Variants in EYS observed in about 807,000 individuals in gnomAD.
The protein encoded by EYS is EGF-like photoreceptor maintenance factor.
Under a neutral mutation model 282.1 loss-of-function variants are expected in EYS, and 250 were observed. The ratio of observed to expected loss-of-function variants is 0.89; its 90% CI spans 0.80 to 0.98. The LOEUF (loss-of-function observed/expected upper bound fraction) is 0.98, where lower values mean the gene tolerates loss of function less well. Ranked by LOEUF, EYS falls within the 50% of genes least tolerant of loss-of-function variation. EYS has a pLI of 0.00. For missense variants in EYS, 4,016 were observed against 3,709.0 expected (o/e 1.08, Z -2.15); for synonymous variants, 1,355 against 1,282.9 (o/e 1.06, Z -1.20).
intron 22 of EYS, among the ~76,000 whole-genome samples, chr6:64,661,074 A>T (rs1370558400): frequency 6.6e-6 from 1 of 152,212 alleles, no homozygotes; most frequent in East Asian, 1.9e-4. Flanking sequence ...GCCCTCAGAA[A>T]TAATGCCACA....
chr6:64,515,633 A>C (rs1432157593), intron 26 of EYS, among the ~76,000 whole-genome samples: 1 of 151,566 alleles, frequency 6.6e-6, no homozygotes, highest in African/African-American at 2.4e-5. Context: ...CATGAGATAC[A>C]TATATATATT....
chr6:64,896,255 G>T (rs1232641583), intron 18 of EYS, among the ~76,000 whole-genome samples: 3 of 152,024 alleles, frequency 2.0e-5, no homozygotes, highest in Non-Finnish European at 4.4e-5. Context: ...CCTGGTACTG[G>T]TTAGACAGTG....
chr6:65,337,303 G>A (rs747135403), intron 10 of EYS, among the ~76,000 whole-genome samples: 7 of 151,208 alleles, frequency 4.6e-5, no homozygotes, highest in Non-Finnish European at 8.9e-5. Context: ...GAAGCTATAA[G>A]TTTTCTCTGT....
At chr6:63,942,924 A>G (rs1765286538) in intron 35 of EYS, among the ~76,000 whole-genome samples, 1 of 152,190 alleles carries the variant, frequency 6.6e-6, no homozygotes, top group Non-Finnish European at 1.5e-5. Context: ...ACTTTCACTT[A>G]ATGGATAGTA....
At chr6:63,806,127 G>T in intron 37 of EYS, 63 bp downstream of exon 37, 1 of 1,356,384 alleles carries the variant, frequency 7.4e-7, no homozygotes, top group Non-Finnish European at 1.0e-6. Context: ...GAGTGTCCCT[G>T]AGGAATCTCT....
Position 65,404,053 on chromosome 6 carries a change from G to A in EYS, c.1056+1121C>T, listed in dbSNP as rs1018585266. ...TCATAAGTCTGAAAAGTTTCAGAAGGCTAAAACCAAGATGTCTGCTGTGTC... is the reference window on the plus strand; with the variant it reads ...TCATAAGTCTGAAAAGTTTCAGAAGACTAAAACCAAGATGTCTGCTGTGTC... On this transcript the variant is annotated intron_variant, in intron 6 of 42. Transcript: ENST00000503581. Among the ~76,000 whole-genome samples the A allele has an allele frequency of 5.3e-5, 8 of 152,120 alleles. No homozygotes were observed. The East Asian group carries it at 7.7e-4, about 15-fold the overall frequency.
chr6:65,224,197 AT>A (rs1766555094), intron 12 of EYS, among the ~76,000 whole-genome samples: 1 of 152,204 alleles, frequency 6.6e-6, no homozygotes, highest in Non-Finnish European at 1.5e-5. Flanking sequence ...TATTAAAAAA[AT>A]TGAAGTCATA....
intron 26 of EYS, among the ~76,000 whole-genome samples, chr6:64,517,406 G>A (rs894905226): frequency 6.6e-5 from 10 of 151,820 alleles, no homozygotes; most frequent in African/African-American, 2.2e-4. Flanking sequence ...ATACCTGTGG[G>A]AAGTAAAAAT....
Position 64,676,731 on chromosome 6 carries a change from C to CT in EYS, c.3444-50487dup, listed in dbSNP as rs143026551. Among the ~76,000 whole-genome samples, 882 of 152,240 alleles carry CT rather than the reference C, an allele frequency of 5.8e-3. 3 individuals are homozygous for CT. The highest frequency in any genetic ancestry group is 9.9e-3 in the Non-Finnish European group (670 of 68,014). ...AGTCTAAGATCAAGGCGTCAGCAGA[C>CT]TCAGTGTCTGGTGAGGGCCCGCTTC... On this transcript the variant is annotated intron_variant, in intron 22 of 42. Coordinates refer to ENST00000503581, the MANE Select transcript of EYS (RefSeq NM_001142800.2).
At chr6:64,108,932 A>G (rs1344032832) in intron 31 of EYS, among the ~76,000 whole-genome samples, 1 of 152,068 alleles carries the variant, frequency 6.6e-6, no homozygotes, top group Non-Finnish European at 1.5e-5. Context: ...CTCTATGGTT[A>G]CCCCCTTTTA....
At chr6:65,455,848 C>A (rs2134489) in intron 5 of EYS, among the ~76,000 whole-genome samples, 28,101 of 151,862 alleles carry the variant, frequency 0.19, 3,238 homozygotes, top group Middle Eastern at 0.3. Context: ...AGTAATTTTC[C>A]TCAACCTATT....
chr6:64,430,610 G>A (rs1774545899), intron 28 of EYS, among the ~76,000 whole-genome samples: 1 of 152,136 alleles, frequency 6.6e-6, no homozygotes, highest in African/African-American at 2.4e-5. Context: ...CCTAAAGGTA[G>A]ACAGTTATAT....
chr6:64,636,241 G>C (rs1767976113), intron 22 of EYS, among the ~76,000 whole-genome samples: 1 of 152,038 alleles, frequency 6.6e-6, no homozygotes, highest in Non-Finnish European at 1.5e-5. Context: ...CCAAAACAGA[G>C]ATATAGATAA....
chr6:65,399,333 T>C (rs1264677279), intron 7 of EYS, among the ~76,000 whole-genome samples: 6 of 152,030 alleles, frequency 3.9e-5, no homozygotes, highest in Admixed American at 3.9e-4. Flanking sequence ...ATTAGTCATT[T>C]CATGTCACCG....
chr6:64,519,913 T>C, intron 26 of EYS, among the ~76,000 whole-genome samples: 1 of 151,722 alleles, frequency 6.6e-6, no homozygotes, highest in Non-Finnish European at 1.5e-5. Flanking sequence ...TCTAGAAATA[T>C]AAAGGGTAAG....
chr6:65,563,702 T>A (rs9453329), intron 2 of EYS, among the ~76,000 whole-genome samples: 3,051 of 152,216 alleles, frequency 0.02, 101 homozygotes, highest in African/African-American at 0.07. Context: ...AGGTTTGCTA[T>A]GAAGTTAGAG....
At chr6:65,066,979 C>A (rs1773765117) in intron 12 of EYS, among the ~76,000 whole-genome samples, 1 of 152,074 alleles carries the variant, frequency 6.6e-6, no homozygotes, top group South Asian at 2.1e-4. Context: ...AGGTCATGGT[C>A]TTTTACTAAT....
At chr6:64,869,653 T>A (rs1231683786) in intron 19 of EYS, among the ~76,000 whole-genome samples, 1 of 151,530 alleles carries the variant, frequency 6.6e-6, no homozygotes, top group Non-Finnish European at 1.5e-5. Context: ...AGGAAAATAG[T>A]GTAGCATGTT....
intron 22 of EYS, among the ~76,000 whole-genome samples, chr6:64,723,087 G>A (rs1341199283): frequency 1.3e-4 from 19 of 146,740 alleles, no homozygotes; most frequent in South Asian, 2.2e-4. Context: ...AGGCCCTAAG[G>A]AAAAAAAAAA....
Sources: gnomAD v4.1 joint callset for allele counts (sites outside exome capture counted in the v4.1 genomes callset) on GRCh38, gnomAD v4.1.1 for gene constraint, MANE v1.5 for transcripts, NCBI Gene and HGNC (gene_info 2026-07-23, HGNC 2026-07-21) for gene names.